The following ATG14 variants were observed in gnomAD, a reference collection of about 807,000 sequenced individuals.
ATG14 encodes the protein beclin 1-associated autophagy-related key regulator.
A neutral mutation model predicts 60.4 loss-of-function variants in ATG14; 35 were observed. The ratio of observed to expected loss-of-function variants is 0.58; its 90% CI spans 0.44 to 0.77. ATG14 has a LOEUF of 0.77. Among genes scored for constraint, ATG14 ranks in the 30% least tolerant of loss-of-function variants. ATG14 has a pLI of 0.00. For synonymous variants in ATG14, 234 were observed against 228.8 expected (o/e 1.02, Z -0.21); for missense variants, 647 against 626.3 (o/e 1.03, Z -0.35).
intron 1 of ATG14, among the ~76,000 whole-genome samples, chr14:55,404,781 G>A (rs1885463269): frequency 6.6e-6 from 1 of 152,102 alleles, no homozygotes; most frequent in Non-Finnish European, 1.5e-5. Context: ...TTCCGATACT[G>A]TTATACACAC....
chr14:55,367,979 A>C lies in ATG14; in HGVS notation c.*1640T>G, dbSNP rs970672659. 6.6e-6 allele frequency: 1 copy of C among 152,638 alleles called. No individual in the cohort carries two copies. Among genetic ancestry groups the C allele is most frequent in the East Asian group, 1.9e-4 (1 of 5,202 alleles). The allele number at this position is 152,638 out of a possible 1,614,324, so 9.5% of individuals were successfully genotyped here. A position where few individuals can be genotyped will look rare whatever the true frequency, so the allele number is the denominator to read the frequency against. ...TGAGAAAAGAAGCTGGGGCATGGCA[A>C]ACCTCTGAATGATTTATCAGAGGTG... On this transcript the variant is annotated 3_prime_UTR_variant, in exon 10 of 10. Transcript: ENST00000247178.
intron 9 of ATG14, among the ~76,000 whole-genome samples, chr14:55,372,286 C>G (rs906618032): frequency 7.0e-6 from 1 of 142,954 alleles, no homozygotes; most frequent in Non-Finnish European, 1.6e-5. Context: ...CACCATATCA[C>G]CACCACTTTC....
chr14:55,405,323 A>C (rs1260668612), intron 1 of ATG14, among the ~76,000 whole-genome samples: 1 of 152,192 alleles, frequency 6.6e-6, no homozygotes, highest in Non-Finnish European at 1.5e-5. Context: ...AATAATATTT[A>C]AATTTCTTCC....
At chr14:55,391,036 T>C (rs1885207217) in intron 3 of ATG14, 44 bp from the exon 4 acceptor site, 3 of 1,338,614 alleles carry the variant, frequency 2.2e-6, no homozygotes, top group African/African-American at 1.5e-5. Flanking sequence ...TGGTCTCTTA[T>C]GGTTAATATG....
In ATG14 at chr14:55,410,048, T is replaced by A. The variant is rs188819270; in HGVS notation, c.221+1554A>T. On this transcript the variant is annotated intron_variant, in intron 1 of 9. Coordinates refer to ENST00000247178, the MANE Select transcript of ATG14 (RefSeq NM_014924.5). ...ATTTGTTGATGGGACTAAACAGAGT[T>A]GGGTTAAGAGAGGAGTCAAGGAGAA... is the stretch of plus-strand genomic sequence containing the variant. Among the ~76,000 whole-genome samples, 12 of 152,252 alleles carry A rather than the reference T, an allele frequency of 7.9e-5. No individual in the cohort carries two copies. The East Asian group carries it at 2.3e-3, about 29-fold the overall frequency.
At chr14:55,397,219 C>T (rs984735707) in intron 2 of ATG14, among the ~76,000 whole-genome samples, 153 bp downstream of exon 2, 2 of 152,132 alleles carry the variant, frequency 1.3e-5, no homozygotes, top group African/African-American at 4.8e-5. Flanking sequence ...CCTGCTTTAC[C>T]TCTCCCACAT....
rs745383116 is a variant in ATG14, at chr14:55,369,760, G to T, written c.1338C>A (p.Ile446=). ...GGGAGACTTCCACAGACTGGGAAGG[G>T]ATATCACAAAACCGGGGACTAGGCA... The part of the protein sequence containing the change: ...ENLPSPRFCD[I]PSQSVEVSQS... The change falls in exon 10 of 10, where the codon ATC becomes ATA. Residue 446 remains isoleucine (I), a synonymous_variant. Coordinates refer to ENST00000247178, the MANE Select transcript of ATG14 (RefSeq NM_014924.5). The T allele has an allele frequency of 1.9e-6, 3 of 1,614,066 alleles. No individual in the cohort carries two copies. The South Asian group carries it at 3.3e-5, about 18-fold the overall frequency.
chr14:55,404,215 G>T (rs1193960346), intron 1 of ATG14, among the ~76,000 whole-genome samples: 1 of 152,146 alleles, frequency 6.6e-6, no homozygotes, highest in Non-Finnish European at 1.5e-5. Context: ...TATTTTAAAG[G>T]ATTAAAGTAG....
intron 1 of ATG14, among the ~76,000 whole-genome samples, chr14:55,399,891 T>A (rs77915346): frequency 3.3e-5 from 5 of 152,348 alleles, no homozygotes; most frequent in African/African-American, 1.2e-4. Flanking sequence ...AGTGAGCTGG[T>A]TGATTTTCTT....
Position 55,369,626 on chromosome 14 carries a change from T to C in ATG14, c.1472A>G (p.His491Arg). 5 of 1,516,212 alleles carry C rather than the reference T, an allele frequency of 3.3e-6. No homozygotes were observed. Among genetic ancestry groups the C allele is most frequent in the Non-Finnish European group, 4.4e-6 (5 of 1,130,588 alleles). 93.9% of individuals were successfully genotyped at this position (1,516,212 alleles called of 1,614,324 possible). ...VTSWFKAYTG[H>R]R ...TGTTTTGGTCCATGCTCGTTAACGGTGTCCAGTGTAAGCTTTAAACCAGGA... is the reference window on the plus strand; with the variant it reads ...TGTTTTGGTCCATGCTCGTTAACGGCGTCCAGTGTAAGCTTTAAACCAGGA... Residue 491 changes from histidine (H) to arginine (R), a missense_variant, in exon 10 of 10, where the codon CAC becomes CGC. Physicochemically the swap from His to Arg is conservative, Grantham distance 29. Coordinates refer to ENST00000247178, the MANE Select transcript of ATG14 (RefSeq NM_014924.5).
chr14:55,378,490 G>T (rs1884964635), intron 7 of ATG14, among the ~76,000 whole-genome samples: 1 of 152,170 alleles, frequency 6.6e-6, no homozygotes. Flanking sequence ...AGGCCCACAA[G>T]ATTTGCACCC....
intron 1 of ATG14, among the ~76,000 whole-genome samples, chr14:55,401,982 C>T (rs930658899): frequency 6.6e-6 from 1 of 152,286 alleles, no homozygotes; most frequent in East Asian, 1.9e-4. Flanking sequence ...GTTATGAATG[C>T]GAGTCTCACT....
In ATG14 at chr14:55,377,883, G is replaced by A; in HGVS notation, c.1108C>T (p.Gln370Ter). 1.9e-6 allele frequency: 3 copies of A among 1,606,454 alleles called. No homozygotes were observed. The highest frequency in any genetic ancestry group is 2.5e-6 in the Non-Finnish European group (3 of 1,177,330). The change falls in exon 9 of 10, where the codon CAA becomes TAA. Residue 370 changes from glutamine (Q) to a stop codon, truncating the protein, a stop_gained. Transcript: ENST00000247178. LOFTEE classifies it high-confidence loss of function. ...FSQHVNLDQL[Q>*]PLHTLRNLMY... Reference sequence around the variant, plus strand: ...AGATTCCTGAGGGTATGCAGTGGTTGTAATTGATCTAAATTTACATGCTAA... The same window carrying A: ...AGATTCCTGAGGGTATGCAGTGGTTATAATTGATCTAAATTTACATGCTAA...
At chr14:55,405,766 G>A (rs1334886468) in intron 1 of ATG14, among the ~76,000 whole-genome samples, 1 of 152,154 alleles carries the variant, frequency 6.6e-6, no homozygotes, top group African/African-American at 2.4e-5. Flanking sequence ...CTGTGTTGGA[G>A]GTACTGCCTA....
chr14:55,386,702 C>T lies in ATG14; in HGVS notation c.410-606G>A, dbSNP rs960880364. ...TTAAGTGCTGCAAGGGAAACAAAAG[C>T]CTGGCCACACAACCACGAGGAGACA... On this transcript the variant is annotated intron_variant, in intron 4 of 9. Transcript: ENST00000247178. 2.6e-5 allele frequency among the ~76,000 whole-genome samples: 4 copies of T among 152,166 alleles called. No individual in the cohort carries two copies. In the South Asian group the frequency reaches 8.3e-4, roughly 31 times the overall value.
chr14:55,387,737 C>T (rs1463941758), intron 4 of ATG14, among the ~76,000 whole-genome samples: 1 of 151,994 alleles, frequency 6.6e-6, no homozygotes, highest in East Asian at 2.0e-4. Flanking sequence ...TGGTGCATCT[C>T]GGCTCACTGC....
chr14:55,395,249 G>A (rs1885293204), intron 3 of ATG14: 1 of 350,974 alleles, frequency 2.8e-6, no homozygotes, highest in African/African-American at 2.2e-5. Context: ...CTGCAGGGAA[G>A]GCGTGTGCCA....
At chr14:55,404,003 T>A (rs1358038938) in intron 1 of ATG14, among the ~76,000 whole-genome samples, 2 of 152,174 alleles carry the variant, frequency 1.3e-5, no homozygotes, top group African/African-American at 4.8e-5. Flanking sequence ...TAAAATTTGA[T>A]GGGATGGAAA....
At chr14:55,373,804 CAA>C (rs71705938) in intron 9 of ATG14, among the ~76,000 whole-genome samples, 43,849 of 135,188 alleles carry the variant, frequency 0.32, 6,627 homozygotes, top group Non-Finnish European at 0.36. Context: ...AAATTTGTTT[CAA>C]AAAAAAAAAA....
Sources: allele counts gnomAD v4.1 joint callset (sites outside exome capture counted in the v4.1 genomes callset), GRCh38; gene constraint gnomAD v4.1.1; transcripts MANE v1.5; gene names NCBI Gene and HGNC (gene_info 2026-07-23, HGNC 2026-07-21).